The following RB1 variants were observed in gnomAD, a reference collection of about 807,000 sequenced individuals.
The protein encoded by RB1 is RB transcriptional corepressor 1.
A neutral mutation model predicts 135.4 loss-of-function variants in RB1; 18 were observed. That is an observed-to-expected ratio of 0.13 (90% CI 0.09 to 0.20). The LOEUF (loss-of-function observed/expected upper bound fraction) is 0.20, where lower values mean the gene tolerates loss of function less well. Among genes scored for constraint, RB1 ranks in the 10% least tolerant of loss-of-function variants. The pLI is 1.00. For missense variants in RB1, 868 were observed against 1,110.0 expected (o/e 0.78, Z 3.10); for synonymous variants, 365 against 373.2 (o/e 0.98, Z 0.25).
At chr13:48,474,653 G>T (rs1318548603) in intron 24 of RB1, among the ~76,000 whole-genome samples, 1 of 151,918 alleles carries the variant, frequency 6.6e-6, no homozygotes, top group Non-Finnish European at 1.5e-5. Flanking sequence ...AGACTTCTAG[G>T]ATATTCTTTT....
At chr13:48,316,671 G>A (rs1242895315) in intron 2 of RB1, among the ~76,000 whole-genome samples, 1 of 149,302 alleles carries the variant, frequency 6.7e-6, no homozygotes, top group South Asian at 2.1e-4. Context: ...TCTATACAGG[G>A]CTATGTATAA....
At chr13:48,394,514 C>G (rs907776418) in intron 17 of RB1, among the ~76,000 whole-genome samples, 2 of 152,200 alleles carry the variant, frequency 1.3e-5, no homozygotes, top group Non-Finnish European at 2.9e-5. Flanking sequence ...TTGAAATTCT[C>G]GCTGCCATCA....
intron 17 of RB1, among the ~76,000 whole-genome samples, chr13:48,397,449 C>T (rs1453847128): frequency 6.6e-6 from 1 of 152,106 alleles, no homozygotes; most frequent in African/African-American, 2.4e-5. Flanking sequence ...ACAGTGAGAA[C>T]ACATGGACAC....
Position 48,348,950 on chromosome 13 carries a change from T to C in RB1, c.540-6T>C. 1 of 1,600,534 alleles carries C rather than the reference T, an allele frequency of 6.2e-7. No individual in the cohort carries two copies. Among genetic ancestry groups the C allele is most frequent in the Non-Finnish European group, 8.5e-7 (1 of 1,172,548 alleles). On this transcript the variant is annotated splice_region_variant and splice_polypyrimidine_tract_variant and intron_variant, in intron 5 of 26. Coordinates refer to ENST00000267163, the MANE Select transcript of RB1 (RefSeq NM_000321.3). ...GTTTTTTTTCTGCTTTCTATTTGTT[T>C]AATAGGATATCTACTGAAATAAATT...
intron 1 of RB1, 30 bp from the exon 2 acceptor site, chr13:48,307,250 G>A (rs765721698): frequency 3.2e-6 from 5 of 1,574,136 alleles, no homozygotes; most frequent in African/African-American, 1.4e-5. Flanking sequence ...ATAAGTATAT[G>A]CCAATTATAT....
intron 17 of RB1, chr13:48,401,524 C>G (rs1431807416): frequency 6.6e-6 from 1 of 152,100 alleles, no homozygotes; most frequent in African/African-American, 2.4e-5. Context: ...TAAAATAGAA[C>G]AACTTTTTGG....
chr13:48,309,857 T>A (rs1438746810), intron 2 of RB1, among the ~76,000 whole-genome samples: 1 of 152,180 alleles, frequency 6.6e-6, no homozygotes, highest in Non-Finnish European at 1.5e-5. Context: ...CAGAATTGAA[T>A]ACATATATAA....
In RB1 at chr13:48,304,029, G is replaced by C. The variant is rs2138027935; in HGVS notation, c.117G>C (p.Pro39=). The change falls in exon 1 of 27, where the codon CCG becomes CCC. Residue 39 remains proline, a synonymous_variant. Coordinates refer to ENST00000267163, the MANE Select transcript of RB1 (RefSeq NM_000321.3). ...PEEDPEQDSG[P]EDLPLVRLEF... is the part of the protein sequence containing the mutation. ...AGGACCCAGAGCAGGACAGCGGCCC[G>C]GAGGACCTGCCTCTCGTCAGGTGAG... 6.8e-7 allele frequency: 1 copy of C among 1,461,984 alleles called. No homozygotes were observed. The highest frequency in any genetic ancestry group is 9.0e-7 in the Non-Finnish European group (1 of 1,115,356). The allele number at this position is 1,461,984 out of a possible 1,614,324, so 90.6% of individuals were successfully genotyped here.
intron 17 of RB1, among the ~76,000 whole-genome samples, chr13:48,407,134 A>G (rs1948747273): frequency 6.6e-6 from 1 of 152,230 alleles, no homozygotes; most frequent in Non-Finnish European, 1.5e-5. Flanking sequence ...CGCTGCTGTA[A>G]GTATACAACA....
At chr13:48,339,651 C>A (rs527537790) in intron 2 of RB1, among the ~76,000 whole-genome samples, 9 of 152,302 alleles carry the variant, frequency 5.9e-5, no homozygotes, top group African/African-American at 1.9e-4. Context: ...CCTGCTTTGG[C>A]TCACACTTGG....
In RB1 at chr13:48,403,223, C is replaced by G. The variant is rs182439836; in HGVS notation, c.1695+21780C>G. Among the ~76,000 whole-genome samples the G allele has an allele frequency of 9.9e-5, 15 of 152,164 alleles. No individual in the cohort carries two copies. In the East Asian group the frequency reaches 2.1e-3, roughly 22 times the overall value. Reference sequence around the variant, plus strand: ...TTGTGTAACTTGGATTGTGCAATTGCTTTTAAAAATGAAACTATTTCTCAT... The same window carrying G: ...TTGTGTAACTTGGATTGTGCAATTGGTTTTAAAAATGAAACTATTTCTCAT... On this transcript the variant is annotated intron_variant, in intron 17 of 26. Transcript: ENST00000267163.
chr13:48,320,310 C>T, intron 2 of RB1: 2 of 1,237,406 alleles, frequency 1.6e-6, no homozygotes, highest in Non-Finnish European at 2.3e-6. Flanking sequence ...CCCCGCTGCG[C>T]TGCAGCGTGC....
chr13:48,446,381 C>G (rs1267994315), intron 17 of RB1, among the ~76,000 whole-genome samples: 1 of 152,194 alleles, frequency 6.6e-6, no homozygotes, highest in Non-Finnish European at 1.5e-5. Context: ...TGAGCCCTTA[C>G]TGTGTGCCAG....
At chr13:48,304,083 G>C in intron 1 of RB1, 34 bp downstream of exon 1, 1 of 1,390,226 alleles carries the variant, frequency 7.2e-7, no homozygotes, top group Non-Finnish European at 9.2e-7. Flanking sequence ...CCTCACGCGG[G>C]AAGGGCGCCC....
chr13:48,466,231 C>T (rs972273348), intron 23 of RB1, among the ~76,000 whole-genome samples: 2 of 70,384 alleles, frequency 2.8e-5, no homozygotes, highest in African/African-American at 8.4e-5. Flanking sequence ...AGACTGCCTC[C>T]TCAAGTGGGT....
Position 48,319,633 on chromosome 13 carries a change from C to A in RB1, c.264+12227C>A. ...CGGGGAGGTTTGCGAAAGGCGAACT[C>A]TTTATGGGCGCCCTTCAGACCCTGC... On this transcript the variant is annotated intron_variant, in intron 2 of 26. Transcript: ENST00000267163. This position sits in a 1 kb window ranked among gnomAD's most constrained non-coding sequence, Gnocchi z 5.0. 1 of 260,196 alleles carries A rather than the reference C, an allele frequency of 3.8e-6. No homozygotes were observed. The highest frequency in any genetic ancestry group is 5.2e-5 in the South Asian group (1 of 19,106). The allele number at this position is 260,196 out of a possible 1,614,324, so 16.1% of individuals were successfully genotyped here. A position where few individuals can be genotyped will look rare whatever the true frequency, so the allele number is the denominator to read the frequency against.
chr13:48,406,698 C>T (rs1289721170), intron 17 of RB1: 2 of 152,204 alleles, frequency 1.3e-5, no homozygotes, highest in Admixed American at 1.3e-4. Context: ...TTCTCTCCCA[C>T]AGGGCCTTTG....
intron 17 of RB1, among the ~76,000 whole-genome samples, chr13:48,395,406 G>A (rs1422005383): frequency 1.3e-5 from 2 of 152,116 alleles, no homozygotes; most frequent in Non-Finnish European, 2.9e-5. Flanking sequence ...GTAGGCTTCA[G>A]AAGGTGGGTA....
intron 2 of RB1, among the ~76,000 whole-genome samples, chr13:48,329,434 C>G (rs2138066759): frequency 6.6e-6 from 1 of 152,184 alleles, no homozygotes; most frequent in East Asian, 1.9e-4. Context: ...TCATCAGCAT[C>G]AGGTAAATTG....
Sources: gnomAD v4.1 joint callset for allele counts (sites outside exome capture counted in the v4.1 genomes callset) on GRCh38, gnomAD v4.1.1 for gene constraint, Gnocchi (gnomAD v3.1) non-coding constraint, MANE v1.5 for transcripts, NCBI Gene and HGNC (gene_info 2026-07-23, HGNC 2026-07-21) for gene names.